Variants in RNF180 observed in about 807,000 individuals in gnomAD.
RNF180 encodes the protein ring finger protein 180.
In RNF180, 38 loss-of-function variants were observed where a neutral mutation model predicts 59.2. The ratio of observed to expected loss-of-function variants is 0.64; its 90% CI spans 0.50 to 0.84. The LOEUF is 0.84. RNF180 is among the 40% of genes least tolerant of loss of function. The pLI, the probability that RNF180 is intolerant of heterozygous loss-of-function variation, is 0.00. For synonymous variants in RNF180, 262 were observed against 240.3 expected, an observed-to-expected ratio of 1.09 and a Z score of -0.84; for missense variants, 705 against 700.9, an observed-to-expected ratio of 1.01 and a Z score of -0.07.
At chr5:64,259,104 G>A (rs1214144026) in intron 5 of RNF180, among the ~76,000 whole-genome samples, 2 of 152,126 alleles carry the variant, frequency 1.3e-5, no homozygotes, top group Non-Finnish European at 2.9e-5. Flanking sequence ...GAATTAAATG[G>A]GGCGGGAGTG....
chr5:64,180,939 A>G (rs911702192), intron 1 of RNF180, among the ~76,000 whole-genome samples: 3 of 152,176 alleles, frequency 2.0e-5, no homozygotes, highest in Admixed American at 2.0e-4. Flanking sequence ...CTGGATCCCA[A>G]AACCTCAAAA....
intron 7 of RNF180, among the ~76,000 whole-genome samples, chr5:64,352,406 A>T (rs557596156): frequency 1.3e-5 from 2 of 151,750 alleles, no homozygotes; most frequent in Admixed American, 1.3e-4. Context: ...ATCTCCTTCA[A>T]TTCTGCTCTC....
rs1746690928 is a variant in RNF180, at chr5:64,372,573, A to G, written c.*2759A>G. 1.3e-5 allele frequency: 2 copies of G among 151,948 alleles called. No individual in the cohort carries two copies. Among genetic ancestry groups the G allele is most frequent in the South Asian group, 4.1e-4 (2 of 4,826 alleles). 9.4% of individuals were successfully genotyped at this position (151,948 alleles called of 1,614,324 possible). On this transcript the variant is annotated 3_prime_UTR_variant, in exon 8 of 8. Transcript: ENST00000389100. ...TCATTTAAATGTCTTTTGTATGGCT[A>G]AATGAATATACAGATTCTTAAACAT...
At chr5:64,350,075 C>G (rs2112580952) in intron 7 of RNF180, among the ~76,000 whole-genome samples, 1 of 152,250 alleles carries the variant, frequency 6.6e-6, no homozygotes, top group East Asian at 1.9e-4. Context: ...TCCCCAGAAC[C>G]TGTTGTTTCC....
chr5:64,278,344 G>A (rs1393063632), intron 5 of RNF180, among the ~76,000 whole-genome samples: 2 of 152,198 alleles, frequency 1.3e-5, no homozygotes, highest in African/African-American at 4.8e-5. Flanking sequence ...CTGAGAAAGA[G>A]TGGAGATTTT....
Position 64,346,359 on chromosome 5 carries a change from C to CTTTTTTTTTTTTTTTTTTTTTT in RNF180, c.1579+15959_1579+15980dup, listed in dbSNP as rs1162054033. Among the ~76,000 whole-genome samples, 21 of 42,952 alleles carry CTTTTTTTTTTTTTTTTTTTTTT rather than the reference C, an allele frequency of 4.9e-4. 1 individual carries two copies. Among genetic ancestry groups the CTTTTTTTTTTTTTTTTTTTTTT allele is most frequent in the South Asian group, 1.0e-3 (1 of 978 alleles). 28.2% of individuals were successfully genotyped at this position (42,952 alleles called of 152,430 possible). A position where few individuals can be genotyped will look rare whatever the true frequency, so the allele number is the denominator to read the frequency against. ...TCTATTCTTCTTTTTTTCTTTTCTT[C>CTTTTTTTTTTTTTTTTTTTTTT]TTTTTTTTTTTTTTTTTTTTTTTTT... On this transcript the variant is annotated intron_variant, in intron 7 of 7. Coordinates refer to ENST00000389100, the MANE Select transcript of RNF180 (RefSeq NM_001113561.2).
chr5:64,172,910 G>A (rs895258101), intron 1 of RNF180, among the ~76,000 whole-genome samples: 7 of 152,148 alleles, frequency 4.6e-5, no homozygotes, highest in African/African-American at 1.7e-4. Context: ...TGCTAAAAAA[G>A]GCTGAACATA....
chr5:64,229,335 G>A (rs2112190287), intron 5 of RNF180, among the ~76,000 whole-genome samples: 1 of 152,146 alleles, frequency 6.6e-6, no homozygotes, highest in Middle Eastern at 3.4e-3. Flanking sequence ...GTTTATTAAC[G>A]GTGAAATGGA....
chr5:64,275,419 C>G (rs1203793439), intron 5 of RNF180, among the ~76,000 whole-genome samples: 1 of 150,696 alleles, frequency 6.6e-6, no homozygotes, highest in African/African-American at 2.4e-5. Flanking sequence ...AAGTAGGCAT[C>G]CTTCAAGTTT....
intron 5 of RNF180, among the ~76,000 whole-genome samples, chr5:64,220,977 G>T (rs1362348284): frequency 1.3e-5 from 2 of 152,026 alleles, no homozygotes; most frequent in Non-Finnish European, 2.9e-5. Flanking sequence ...TTATATTAAA[G>T]ACCTGCTTAT....
chr5:64,196,318 A>G (rs967124624), intron 1 of RNF180, among the ~76,000 whole-genome samples: 1 of 152,142 alleles, frequency 6.6e-6, no homozygotes, highest in Non-Finnish European at 1.5e-5. Context: ...CCTGATTTTA[A>G]TGGAATGATT....
chr5:64,211,012 G>A (rs987965478), intron 2 of RNF180, among the ~76,000 whole-genome samples: 4 of 152,102 alleles, frequency 2.6e-5, no homozygotes, highest in Admixed American at 6.6e-5. Flanking sequence ...TGGCTGATTG[G>A]TTGGGGAATG....
chr5:64,171,950 G>A (rs114852309), intron 1 of RNF180, among the ~76,000 whole-genome samples: 1 of 152,156 alleles, frequency 6.6e-6, no homozygotes, highest in African/African-American at 2.4e-5. Flanking sequence ...AGACCTCACA[G>A]AGTTGGGTAA....
rs145948033 is a variant in RNF180 at position 64,214,235 on chromosome 5, G to C, written c.909G>C (p.Gln303His). ...QRFSVAPHET[Q>H]TQRGGEFQCG... ...TTTCAGTGGCCCCCCATGAGACCCA[G>C]ACACAAAGAGGAGGAGAATTTCAGT... The change falls in exon 4 of 8, where the codon CAG becomes CAC. Residue 303 changes from glutamine (Q) to histidine (H), a missense_variant. Gln to His is a conservative substitution (Grantham distance 24). Coordinates refer to ENST00000389100, the MANE Select transcript of RNF180 (RefSeq NM_001113561.2). 5.6e-5 allele frequency: 91 copies of C among 1,613,886 alleles called. No individual in the cohort carries two copies. Among genetic ancestry groups the C allele is most frequent in the Non-Finnish European group, 7.3e-5 (86 of 1,179,990 alleles).
chr5:64,193,291 T>TAACCAA (rs1751277193), intron 1 of RNF180, among the ~76,000 whole-genome samples: 1 of 152,100 alleles, frequency 6.6e-6, no homozygotes, highest in Non-Finnish European at 1.5e-5. Flanking sequence ...TAAGTGTTCT[T>TAACCAA]AACCAAAACC....
At position 64,355,687 on chromosome 5, in the gene RNF180, A is replaced by G. The variant is rs527650041; in HGVS notation, c.1580-13928A>G. ...GTAATCAAAACAGTGTAGTACTGCC[A>G]TAAGAATAGACATATAGATCAAGGG... On this transcript the variant is annotated intron_variant, in intron 7 of 7. Coordinates refer to ENST00000389100, the MANE Select transcript of RNF180 (RefSeq NM_001113561.2). 7.2e-5 allele frequency among the ~76,000 whole-genome samples: 11 copies of G among 151,926 alleles called. 1 individual carries two copies. The highest frequency in any genetic ancestry group is 5.2e-4 in the Admixed American group (8 of 15,240).
intron 6 of RNF180, among the ~76,000 whole-genome samples, chr5:64,327,947 T>C (rs1400096503): frequency 6.6e-6 from 1 of 152,200 alleles, no homozygotes; most frequent in East Asian, 1.9e-4. Context: ...GGTGTTCCAG[T>C]GTTTGGATAC....
chr5:64,210,716 T>A (rs1449027363), intron 2 of RNF180, among the ~76,000 whole-genome samples: 1 of 152,168 alleles, frequency 6.6e-6, no homozygotes, highest in Non-Finnish European at 1.5e-5. Flanking sequence ...GTTTATTAGA[T>A]GAATTGGTAA....
chr5:64,265,527 A>G (rs901952115), intron 5 of RNF180, among the ~76,000 whole-genome samples: 1 of 152,202 alleles, frequency 6.6e-6, no homozygotes, highest in African/African-American at 2.4e-5. Context: ...GTCAAAGATC[A>G]GATGGCTGTA....
Sources: allele counts gnomAD v4.1 joint callset (sites outside exome capture counted in the v4.1 genomes callset), GRCh38; gene constraint gnomAD v4.1.1; transcripts MANE v1.5; gene names NCBI Gene and HGNC (gene_info 2026-07-23, HGNC 2026-07-21).